Variants in TMEM238 observed in about 807,000 individuals in gnomAD.
TMEM238 encodes the protein transmembrane protein 238.
For synonymous variants in TMEM238, 103 were observed against 111.5 expected (o/e 0.92, Z 0.48); for missense variants, 169 against 206.8 (o/e 0.82, Z 1.12).
At chr19:55,380,573 C>T (rs926571479) in intron 1 of TMEM238, among the ~76,000 whole-genome samples, 2 of 149,170 alleles carry the variant, frequency 1.3e-5, no homozygotes, top group African/African-American at 2.5e-5. Context: ...TACAGGCGTC[C>T]GCCACCATGC....
chr19:55,381,940 C>T (rs2089888497), intron 1 of TMEM238, among the ~76,000 whole-genome samples: 1 of 152,140 alleles, frequency 6.6e-6, no homozygotes, highest in Admixed American at 6.5e-5. Context: ...ACCACCTACC[C>T]ATATCTACCC....
chr19:55,379,885 C>T (rs2089878193), intron 1 of TMEM238, among the ~76,000 whole-genome samples: 1 of 151,992 alleles, frequency 6.6e-6, no homozygotes, highest in East Asian at 1.9e-4. Flanking sequence ...GTCCCAGTTC[C>T]TTGGGAGGCT....
rs549010948 is a variant in TMEM238, at chr19:55,383,256, T to C, written c.*7+466A>G. 6.6e-6 allele frequency among the ~76,000 whole-genome samples: 1 copy of C among 152,224 alleles called. No individual in the cohort carries two copies. Among genetic ancestry groups the C allele is most frequent in the South Asian group, 2.1e-4 (1 of 4,822 alleles). On this transcript the variant is annotated intron_variant, in intron 1 of 1. Transcript: ENST00000444469. The surrounding 1 kb of genome is among the most constrained non-coding windows in gnomAD (Gnocchi z 4.9). ...CCCGGCAAGGTGGGGCGCACATGTA[T>C]TCTCAGCTACTTGGGAGGCTCAGGT...
Position 55,384,101 on chromosome 19 carries a change from C to T in TMEM238, c.159G>A (p.Leu53=). The change falls in exon 1 of 2, where the codon CTG becomes CTA. Residue 53 remains leucine, a synonymous_variant. Coordinates refer to ENST00000444469, the MANE Select transcript of TMEM238 (RefSeq NM_001190764.2). The surrounding 1 kb of genome is among the most constrained non-coding windows in gnomAD (Gnocchi z 5.6). ...ALDVAGMAAL[L]TGVFAQLQVR... Reference sequence around the variant, plus strand: ...CCTGCAGCTGCGCGAACACGCCGGTCAGCAGCGCCGCCATGCCCGCCACAT... The same window carrying T: ...CCTGCAGCTGCGCGAACACGCCGGTTAGCAGCGCCGCCATGCCCGCCACAT... 2 of 1,461,452 alleles carry T rather than the reference C, an allele frequency of 1.4e-6. No homozygotes were observed. Among genetic ancestry groups the T allele is most frequent in the Admixed American group, 2.1e-5 (1 of 46,576 alleles). 90.5% of individuals were successfully genotyped at this position (1,461,452 alleles called of 1,614,324 possible).
At chr19:55,381,824 A>G (rs549754897) in intron 1 of TMEM238, among the ~76,000 whole-genome samples, 1 of 152,274 alleles carries the variant, frequency 6.6e-6, no homozygotes, top group African/African-American at 2.4e-5. Context: ...ACCATGCTGC[A>G]TGGGTGAGGC....
chr19:55,381,863 CT>C (rs1330050052), intron 1 of TMEM238, among the ~76,000 whole-genome samples: 1 of 152,160 alleles, frequency 6.6e-6, no homozygotes, highest in Non-Finnish European at 1.5e-5. Context: ...TCAGGAAAAG[CT>C]CTTGCCCCTT....
At chr19:55,382,120 CATCA>C (rs1423316659) in intron 1 of TMEM238, among the ~76,000 whole-genome samples, 7 of 151,074 alleles carry the variant, frequency 4.6e-5, no homozygotes, top group African/African-American at 1.5e-4. Flanking sequence ...CCCATCCATC[CATCA>C]AACAACTCAT....
chr19:55,380,697 T>A (rs1010394215), intron 1 of TMEM238, among the ~76,000 whole-genome samples: 13 of 151,522 alleles, frequency 8.6e-5, no homozygotes, highest in Admixed American at 2.0e-4. Flanking sequence ...AGTGCTGGGA[T>A]TACAGGCATG....
In TMEM238 at chr19:55,384,209, T is replaced by G; in HGVS notation, c.51A>C (p.Ala17=). 8.6e-7 allele frequency: 1 copy of G among 1,165,524 alleles called. No homozygotes were observed. Among genetic ancestry groups the G allele is most frequent in the Non-Finnish European group, 1.1e-6 (1 of 949,848 alleles). The allele number at this position is 1,165,524 out of a possible 1,614,324, so 72.2% of individuals were successfully genotyped here. A position where few individuals can be genotyped will look rare whatever the true frequency, so the allele number is the denominator to read the frequency against. Residue 17 remains alanine (A), a synonymous_variant, in exon 1 of 2, where the codon GCA becomes GCC. Transcript: ENST00000444469. The surrounding 1 kb of genome is among the most constrained non-coding windows in gnomAD (Gnocchi z 5.6). The part of the protein sequence containing the change: ...VCASQGSPPG[A]PSAPAAAPAP... Reference sequence around the variant, plus strand: ...CTGGCGCGGCCGCCGGCGCGGACGGTGCACCCGGCGGGCTCCCCTGCGAGG... The same window carrying G: ...CTGGCGCGGCCGCCGGCGCGGACGGGGCACCCGGCGGGCTCCCCTGCGAGG...
chr19:55,381,766 G>A (rs552702187), intron 1 of TMEM238, among the ~76,000 whole-genome samples: 32 of 152,124 alleles, frequency 2.1e-4, no homozygotes, highest in Non-Finnish European at 4.1e-4. Context: ...GGTGACACAG[G>A]CACCCTCATT....
In TMEM238 at chr19:55,383,996, GA is replaced by G; in HGVS notation, c.263del (p.Leu88ProfsTer104). On this transcript the variant is annotated frameshift_variant, in exon 1 of 2. Transcript: ENST00000444469. LOFTEE classifies it low-confidence loss of function (END_TRUNC). The surrounding 1 kb of genome is among the most constrained non-coding windows in gnomAD (Gnocchi z 4.9). ...AGATCTCGATGTTGCCGGTGTACCA[GA>G]GGATCCAGCCCAGCAGGCTCAGGAA... ...LVFLSLLGWI[L>X]WYTGNIEISR... 6.9e-7 allele frequency: 1 copy of G among 1,448,648 alleles called. No individual in the cohort carries two copies. The highest frequency in any genetic ancestry group is 9.1e-7 in the Non-Finnish European group (1 of 1,095,078). 89.7% of individuals were successfully genotyped at this position (1,448,648 alleles called of 1,614,324 possible).
At chr19:55,382,580 C>G (rs2089890761) in intron 1 of TMEM238, among the ~76,000 whole-genome samples, 1 of 151,966 alleles carries the variant, frequency 6.6e-6, no homozygotes, top group Non-Finnish European at 1.5e-5. Context: ...TAGAGAAGAG[C>G]AGGAACAGGG....
At chr19:55,379,613 A>G (rs536945518) in intron 1 of TMEM238, among the ~76,000 whole-genome samples, 7 of 152,142 alleles carry the variant, frequency 4.6e-5, no homozygotes, top group Non-Finnish European at 8.8e-5. Context: ...GAGAGGCAGA[A>G]AGGGGGAGAC....
At position 55,383,792 on chromosome 19, in the gene TMEM238, GC is replaced by G; in HGVS notation, c.467del (p.Arg156ProfsTer36). 1 of 307,156 alleles carries G rather than the reference GC, an allele frequency of 3.3e-6. No homozygotes were observed. The highest frequency in any genetic ancestry group is 4.9e-6 in the Non-Finnish European group (1 of 204,314). 19.0% of individuals were successfully genotyped at this position (307,156 alleles called of 1,614,324 possible). On this transcript the variant is annotated frameshift_variant, in exon 1 of 2. Transcript: ENST00000444469. LOFTEE classifies it low-confidence loss of function (END_TRUNC). The surrounding 1 kb of genome is among the most constrained non-coding windows in gnomAD (Gnocchi z 4.9). ...CGAGCGTGGCGAGCTGCAGGCGCAC[GC>G]GGCGGGAGCCGGCGGCGGGCGGCGG... ...APPPPAAGSRRVRLQLATLEA... is the reference protein window; with the variant it reads ...APPPPAAGSRXVRLQLATLEA...
chr19:55,382,095 C>T (rs1259894248), intron 1 of TMEM238, among the ~76,000 whole-genome samples: 3 of 151,440 alleles, frequency 2.0e-5, no homozygotes, highest in South Asian at 2.1e-4. Context: ...AACCACCCAC[C>T]CATCTATGCA....
In TMEM238 at chr19:55,384,053, G is replaced by T. The variant is rs1254914358; in HGVS notation, c.207C>A (p.Asp69Glu). 6.7e-7 allele frequency: 1 copy of T among 1,482,376 alleles called. No homozygotes were observed. The highest frequency in any genetic ancestry group is 9.0e-7 in the Non-Finnish European group (1 of 1,114,424). The allele number at this position is 1,482,376 out of a possible 1,614,324, so 91.8% of individuals were successfully genotyped here. A position where few individuals can be genotyped will look rare whatever the true frequency, so the allele number is the denominator to read the frequency against. The change falls in exon 1 of 2, where the codon GAC (aspartate) becomes GAA (glutamate). Residue 69 changes from aspartate (D) to glutamate (E), a missense_variant. Physicochemically the swap from Asp to Glu is conservative, Grantham distance 45. Transcript: ENST00000444469. The surrounding 1 kb of genome is among the most constrained non-coding windows in gnomAD (Gnocchi z 5.6). ...QLQVRGRDFG[D>E]LLIYSGALLV... is the part of the protein sequence containing the mutation. ...GCAGCGCGCCCGAGTAGATGAGCAG[G>T]TCCCCGAAGTCGCGGCCGCGCACCT...
intron 1 of TMEM238, among the ~76,000 whole-genome samples, chr19:55,380,073 A>T (rs574141464): frequency 1.3e-5 from 2 of 151,654 alleles, no homozygotes; most frequent in African/African-American, 4.8e-5. Flanking sequence ...GCTAAAATTC[A>T]GGTTCTCTGT....
rs1193394410 is a variant in TMEM238 at position 55,379,245 on chromosome 19, A to T, written c.*130T>A. On this transcript the variant is annotated 3_prime_UTR_variant, in exon 2 of 2. Transcript: ENST00000444469. ...CTCTCCCAGACAGACATGCAGCACT[A>T]AGGCAAATCTGCTTTTTATCCAAGT... 3 of 152,270 alleles carry T rather than the reference A, an allele frequency of 2.0e-5. No individual in the cohort carries two copies. The East Asian group carries it at 5.8e-4, about 29-fold the overall frequency. 9.4% of individuals were successfully genotyped at this position (152,270 alleles called of 1,614,324 possible).
chr19:55,382,130 C>T (rs1312771213), intron 1 of TMEM238, among the ~76,000 whole-genome samples: 1 of 150,834 alleles, frequency 6.6e-6, no homozygotes, highest in Non-Finnish European at 1.5e-5. Context: ...CATCAAACAA[C>T]TCATCCATCC....
Sources: gnomAD v4.1 joint callset for allele counts (sites outside exome capture counted in the v4.1 genomes callset) on GRCh38, gnomAD v4.1.1 for gene constraint, Gnocchi (gnomAD v3.1) non-coding constraint, MANE v1.5 for transcripts, NCBI Gene and HGNC (gene_info 2026-07-23, HGNC 2026-07-21) for gene names.